Variants in SCFD2 observed in about 807,000 individuals in gnomAD.
SCFD2 encodes the protein sec1 family domain-containing protein 2.
In SCFD2, 54 loss-of-function variants were observed where a neutral mutation model predicts 58.9. The observed-to-expected ratio is 0.92, with a 90% CI of 0.74 to 1.15. The LOEUF (loss-of-function observed/expected upper bound fraction) is 1.15, where lower values mean the gene tolerates loss of function less well. SCFD2 is among the 50% of genes most tolerant of loss of function. The probability of loss-of-function intolerance (pLI) is 0.00; values close to 1 mark genes in which losing one functional copy is unlikely to be tolerated. For synonymous variants in SCFD2, 321 were observed against 335.9 expected (o/e 0.96, Z 0.49); for missense variants, 805 against 836.6 (o/e 0.96, Z 0.47).
chr4:53,283,170 C>G (rs1213687762), intron 3 of SCFD2, among the ~76,000 whole-genome samples: 2 of 152,094 alleles, frequency 1.3e-5, no homozygotes, highest in Non-Finnish European at 2.9e-5. Context: ...GTATACTTAC[C>G]CAGTCGATAG....
intron 6 of SCFD2, among the ~76,000 whole-genome samples, chr4:52,910,432 A>C (rs1222875961): frequency 1.3e-5 from 2 of 152,200 alleles, no homozygotes; most frequent in Non-Finnish European, 2.9e-5. Flanking sequence ...CCTACTTTAC[A>C]TGTCACTATA....
At chr4:53,315,276 G>C (rs1362208551) in intron 2 of SCFD2, among the ~76,000 whole-genome samples, 1 of 142,864 alleles carries the variant, frequency 7.0e-6, no homozygotes, top group Non-Finnish European at 1.5e-5. Context: ...CTTCAAGAAA[G>C]ATATAAAATC....
rs73149274 is a variant in SCFD2 at position 53,317,141 on chromosome 4, T to C, written c.1008-3378A>G. ...AAAAAAAATTCTGAATGTCTAGATA[T>C]GTGTGAGAGTTCCTAATGCCTGCTT... On this transcript the variant is annotated intron_variant, in intron 2 of 8. Transcript: ENST00000401642. 8.7e-3 allele frequency among the ~76,000 whole-genome samples: 1,327 copies of C among 152,048 alleles called. 19 individuals carry two copies. The highest frequency in any genetic ancestry group is 0.03 in the African/African-American group (1,252 of 41,470).
chr4:53,241,598 C>T (rs1729895446), intron 4 of SCFD2, among the ~76,000 whole-genome samples: 4 of 152,210 alleles, frequency 2.6e-5, no homozygotes, highest in Admixed American at 2.6e-4. Context: ...ACCACTGCAG[C>T]CTCCCATGTA....
At chr4:53,247,886 A>T (rs1175925995) in intron 4 of SCFD2, among the ~76,000 whole-genome samples, 31 of 151,122 alleles carry the variant, frequency 2.1e-4, no homozygotes, top group African/African-American at 7.1e-4. Context: ...AAAAAAAAAA[A>T]AAAAAAATAA....
intron 5 of SCFD2, among the ~76,000 whole-genome samples, chr4:53,139,281 C>A (rs979031315): frequency 7.9e-5 from 12 of 152,214 alleles, no homozygotes; most frequent in African/African-American, 2.9e-4. Flanking sequence ...AACCTCTGCC[C>A]GGCCGCCACC....
rs748387596 is a variant in SCFD2 at position 53,215,127 on chromosome 4, G to A, written c.1311+58699C>T. Reference sequence around the variant, plus strand: ...ATTCTTTTGGCTTAGGATTGACTTGGCAATGCAGGCTCTTTTTTGGTTCCA... The same window carrying A: ...ATTCTTTTGGCTTAGGATTGACTTGACAATGCAGGCTCTTTTTTGGTTCCA... On this transcript the variant is annotated intron_variant, in intron 4 of 8. Transcript: ENST00000401642. 5.9e-4 allele frequency among the ~76,000 whole-genome samples: 90 copies of A among 152,150 alleles called. 1 individual carries two copies. The highest frequency in any genetic ancestry group is 9.7e-4 in the Non-Finnish European group (66 of 68,016).
intron 4 of SCFD2, among the ~76,000 whole-genome samples, chr4:53,266,620 T>C (rs1730991527): frequency 6.6e-6 from 1 of 152,214 alleles, no homozygotes; most frequent in Non-Finnish European, 1.5e-5. Flanking sequence ...GTACTTTAAT[T>C]AAAAGGCAAA....
intron 5 of SCFD2, among the ~76,000 whole-genome samples, chr4:53,135,261 G>A (rs1363696614): frequency 6.6e-6 from 1 of 152,152 alleles, no homozygotes; most frequent in East Asian, 1.9e-4. Flanking sequence ...CTAGAATAAA[G>A]ACTGGAAATT....
At position 53,033,095 on chromosome 4, in the gene SCFD2, G is replaced by C. The variant is rs149409380; in HGVS notation, c.1562-112225C>G. Among the ~76,000 whole-genome samples, 302 of 152,212 alleles carry C rather than the reference G, an allele frequency of 2.0e-3. 4 individuals are homozygous for C. Among genetic ancestry groups the C allele is most frequent in the Middle Eastern group, 0.014 (4 of 294 alleles). ...GAAACACTCCTCAGGAAATGCAAAAGAATGGAAATCAGAACAAACAGTCTC... is the reference window on the plus strand; with the variant it reads ...GAAACACTCCTCAGGAAATGCAAAACAATGGAAATCAGAACAAACAGTCTC... On this transcript the variant is annotated intron_variant, in intron 5 of 8. Transcript: ENST00000401642.
chr4:52,924,755 A>G (rs1719822411), intron 5 of SCFD2, among the ~76,000 whole-genome samples: 1 of 152,214 alleles, frequency 6.6e-6, no homozygotes, highest in Non-Finnish European at 1.5e-5. Context: ...AATATGGATC[A>G]GTCAGGATAA....
intron 5 of SCFD2, among the ~76,000 whole-genome samples, chr4:53,044,708 G>C (rs1186079489): frequency 6.8e-6 from 1 of 146,332 alleles, no homozygotes; most frequent in South Asian, 2.2e-4. Context: ...GTAATTCCTT[G>C]CCAAGCCTTT....
At chr4:53,350,244 G>C (rs1189545392) in intron 2 of SCFD2, among the ~76,000 whole-genome samples, 1 of 152,128 alleles carries the variant, frequency 6.6e-6, no homozygotes, top group Admixed American at 6.6e-5. Flanking sequence ...CATAATTCTA[G>C]TCAGTATAAA....
chr4:53,014,149 G>A (rs781419585), intron 5 of SCFD2, among the ~76,000 whole-genome samples: 5 of 152,180 alleles, frequency 3.3e-5, no homozygotes, highest in Non-Finnish European at 7.4e-5. Context: ...TATGGTAGGC[G>A]CTATGATGTG....
intron 7 of SCFD2, among the ~76,000 whole-genome samples, chr4:52,903,305 G>C (rs1429416434): frequency 6.6e-6 from 1 of 152,118 alleles, no homozygotes; most frequent in African/African-American, 2.4e-5. Context: ...CTGCTTCTTT[G>C]GGGTTACCTA....
intron 3 of SCFD2, among the ~76,000 whole-genome samples, chr4:53,297,324 A>G (rs1034076217): frequency 6.6e-6 from 1 of 152,094 alleles, no homozygotes; most frequent in Non-Finnish European, 1.5e-5. Context: ...GGGTGCTCCT[A>G]TTGGGTACAT....
chr4:53,328,145 A>AAAAAAAAAC (rs1733274027), intron 2 of SCFD2, among the ~76,000 whole-genome samples: 1 of 18,456 alleles, frequency 5.4e-5, no homozygotes, highest in African/African-American at 1.2e-4. Flanking sequence ...AAAAAAAAAC[A>AAAAAAAAAC]AAAAAAAAAC....
intron 5 of SCFD2, among the ~76,000 whole-genome samples, chr4:53,059,714 A>G (rs535834426): frequency 3.9e-5 from 6 of 152,118 alleles, no homozygotes; most frequent in African/African-American, 1.4e-4. Context: ...ATTTACCTCA[A>G]TTCAAGCCTC....
intron 4 of SCFD2, among the ~76,000 whole-genome samples, chr4:53,188,149 G>A (rs1366244045): frequency 2.0e-5 from 3 of 152,006 alleles, no homozygotes; most frequent in Non-Finnish European, 4.4e-5. Flanking sequence ...AAGCAGTACT[G>A]GATAAAGCTA....
Sources: gnomAD v4.1 joint callset for allele counts (sites outside exome capture counted in the v4.1 genomes callset) on GRCh38, gnomAD v4.1.1 for gene constraint, MANE v1.5 for transcripts, NCBI Gene and HGNC (gene_info 2026-07-23, HGNC 2026-07-21) for gene names.